The following NUB1 variants were observed in gnomAD, a reference collection of about 807,000 sequenced individuals.
The protein encoded by NUB1 is NEDD8 ultimate buster 1.
In NUB1, 41 loss-of-function variants were observed where a neutral mutation model predicts 77.1. The observed-to-expected ratio is 0.53, with a 90% CI of 0.41 to 0.69. The LOEUF (loss-of-function observed/expected upper bound fraction) is 0.69. Ranked by LOEUF, NUB1 falls within the 30% of genes least tolerant of loss-of-function variation. NUB1 has a pLI of 0.00. For missense variants in NUB1, 643 were observed against 743.8 expected (o/e 0.86, Z 1.58); for synonymous variants, 257 against 281.0 (o/e 0.91, Z 0.85).
chr7:151,368,209 G>A (rs749100558), intron 10 of NUB1, among the ~76,000 whole-genome samples: 2 of 152,154 alleles, frequency 1.3e-5, no homozygotes, highest in East Asian at 3.8e-4. Flanking sequence ...TCATCTTGCC[G>A]TCTAGAGGTG....
intron 11 of NUB1, among the ~76,000 whole-genome samples, chr7:151,373,351 C>T (rs568025607): frequency 6.6e-6 from 1 of 152,184 alleles, no homozygotes; most frequent in Non-Finnish European, 1.5e-5. Context: ...TTTTAAATGA[C>T]ATTTTTATGG....
chr7:151,350,071 G>A (rs1374437026), intron 3 of NUB1, among the ~76,000 whole-genome samples: 2 of 152,142 alleles, frequency 1.3e-5, no homozygotes, highest in South Asian at 2.1e-4. Flanking sequence ...TAGACGAGGC[G>A]GAGAGAGAGG....
intron 3 of NUB1, 75 bp from the exon 4 acceptor site, chr7:151,351,349 T>A (rs1796785966): frequency 8.9e-7 from 1 of 1,118,500 alleles, no homozygotes; most frequent in Admixed American, 2.1e-5. Flanking sequence ...GCCGTCAGCT[T>A]TTCTGATTTC....
At chr7:151,368,088 A>G (rs1188242674) in intron 10 of NUB1, 120 bp downstream of exon 10, 3 of 624,264 alleles carry the variant, frequency 4.8e-6, no homozygotes, top group Non-Finnish European at 8.5e-6. Flanking sequence ...TTCTCCGTGC[A>G]CAGGAGATGT....
chr7:151,376,531 G>A lies in NUB1; in HGVS notation c.1492-103G>A, dbSNP rs1353058041. On this transcript the variant is annotated intron_variant, in intron 13 of 14. Coordinates refer to ENST00000568733, the MANE Select transcript of NUB1 (RefSeq NM_001243351.2). Reference sequence around the variant, plus strand: ...CACAAAGGGCCATGGTGCACACGCCGGGAGCTCTTAAACATGAGAGTCGGC... The same window carrying A: ...CACAAAGGGCCATGGTGCACACGCCAGGAGCTCTTAAACATGAGAGTCGGC... 5 of 1,119,444 alleles carry A rather than the reference G, an allele frequency of 4.5e-6. No individual in the cohort carries two copies. In the Admixed American group the frequency reaches 7.4e-5, roughly 17 times the overall value. 69.3% of individuals were successfully genotyped at this position (1,119,444 alleles called of 1,614,324 possible). A position where few individuals can be genotyped will look rare whatever the true frequency, so the allele number is the denominator to read the frequency against.
At position 151,352,897 on chromosome 7, in the gene NUB1, G is replaced by C. The variant is rs73472502; in HGVS notation, c.415+15G>C. 101 of 1,365,590 alleles carry C rather than the reference G, an allele frequency of 7.4e-5. No individual in the cohort carries two copies. The highest frequency in any genetic ancestry group is 9.7e-5 in the Non-Finnish European group (95 of 984,064). 84.6% of individuals were successfully genotyped at this position (1,365,590 alleles called of 1,614,324 possible). On this transcript the variant is annotated intron_variant, in intron 5 of 14. Coordinates refer to ENST00000568733, the MANE Select transcript of NUB1 (RefSeq NM_001243351.2). ...ACTACAACTAGGTATGTATGGCAAA[G>C]TATGCATAATTTTTTAATGAACCAA...
At chr7:151,351,195 T>C in intron 3 of NUB1, 1 of 504,990 alleles carries the variant, frequency 2.0e-6, no homozygotes, top group East Asian at 3.8e-5. Flanking sequence ...ACGGCCCCTC[T>C]GAGCAGCCCT....
In NUB1 at chr7:151,360,257, T is replaced by G; in HGVS notation, c.800+10T>G. 1 of 1,490,832 alleles carries G rather than the reference T, an allele frequency of 6.7e-7. No homozygotes were observed. Among genetic ancestry groups the G allele is most frequent in the South Asian group, 1.1e-5 (1 of 88,330 alleles). The allele number at this position is 1,490,832 out of a possible 1,614,324, so 92.4% of individuals were successfully genotyped here. A position where few individuals can be genotyped will look rare whatever the true frequency, so the allele number is the denominator to read the frequency against. The stretch of plus-strand genomic sequence containing the variant: ...CTGACAAATATTTCTGGTAGGCGCT[T>G]TTGTACTTGGTGAACACCAGCTTTA... On this transcript the variant is annotated intron_variant, in intron 8 of 14. Transcript: ENST00000568733.
chr7:151,360,328 G>T, intron 8 of NUB1, 81 bp downstream of exon 8: 1 of 670,214 alleles, frequency 1.5e-6, no homozygotes. Context: ...ATGCCCTTGA[G>T]ACTGCAGACT....
chr7:151,362,550 C>T (rs1415765471), intron 8 of NUB1, among the ~76,000 whole-genome samples: 1 of 152,174 alleles, frequency 6.6e-6, no homozygotes, highest in Non-Finnish European at 1.5e-5. Flanking sequence ...GACTTCCTGG[C>T]AGTGCAGAAC....
chr7:151,372,928 G>T (rs1798028564), intron 11 of NUB1, among the ~76,000 whole-genome samples: 1 of 152,184 alleles, frequency 6.6e-6, no homozygotes, highest in African/African-American at 2.4e-5. Context: ...GTTCTCCTGT[G>T]ATAGAGACAG....
At chr7:151,362,703 G>A (rs1394648610) in intron 8 of NUB1, among the ~76,000 whole-genome samples, 3 of 152,208 alleles carry the variant, frequency 2.0e-5, no homozygotes, top group Non-Finnish European at 4.4e-5. Flanking sequence ...AGGCCAAGGA[G>A]GTGAGAGGAG....
chr7:151,360,029 T>C (rs1483709922), intron 7 of NUB1, 112 bp from the exon 8 acceptor site: 2 of 564,914 alleles, frequency 3.5e-6, no homozygotes, highest in Non-Finnish European at 6.3e-6. Flanking sequence ...GATTGAGTTA[T>C]GATCTTGTTT....
At chr7:151,344,819 G>A (rs1437938795) in intron 1 of NUB1, among the ~76,000 whole-genome samples, 3 of 152,048 alleles carry the variant, frequency 2.0e-5, no homozygotes, top group Admixed American at 2.0e-4. Flanking sequence ...GGCCAACATG[G>A]CGAAACCCCG....
intron 10 of NUB1, among the ~76,000 whole-genome samples, chr7:151,368,402 G>T (rs967434902): frequency 1.3e-5 from 2 of 152,160 alleles, no homozygotes; most frequent in Non-Finnish European, 2.9e-5. Flanking sequence ...TTCACTACCT[G>T]GCTACACCCA....
At chr7:151,345,551 A>G in intron 2 of NUB1, 85 bp downstream of exon 2, 4 of 776,466 alleles carry the variant, frequency 5.2e-6, no homozygotes, top group South Asian at 2.0e-5. Context: ...GCATGACCAT[A>G]TAAACTTTTG....
chr7:151,344,063 C>T (rs2150655458), intron 1 of NUB1, among the ~76,000 whole-genome samples: 1 of 150,498 alleles, frequency 6.6e-6, no homozygotes, highest in South Asian at 2.1e-4. Context: ...CGCCTGTAGT[C>T]CCAGCTACTG....
chr7:151,358,961 A>T (rs1410774792), intron 7 of NUB1, among the ~76,000 whole-genome samples: 1 of 151,774 alleles, frequency 6.6e-6, no homozygotes, highest in Non-Finnish European at 1.5e-5. Flanking sequence ...GGTACTCGGG[A>T]GGCTGAGGTG....
In NUB1 at chr7:151,356,997, G is replaced by A. The variant is rs529283247; in HGVS notation, c.693+775G>A. Among the ~76,000 whole-genome samples, 4 of 152,088 alleles carry A rather than the reference G, an allele frequency of 2.6e-5. No homozygotes were observed. The South Asian group carries it at 8.3e-4, about 32-fold the overall frequency. The stretch of plus-strand genomic sequence containing the variant: ...CTCCCAAACTGCTGGGATTACAGGC[G>A]TGAGCCACCGAACTCTGCCGTGTTT... On this transcript the variant is annotated intron_variant, in intron 7 of 14. Transcript: ENST00000568733.
Sources: allele counts gnomAD v4.1 joint callset (sites outside exome capture counted in the v4.1 genomes callset), GRCh38; gene constraint gnomAD v4.1.1; transcripts MANE v1.5; gene names NCBI Gene and HGNC (gene_info 2026-07-23, HGNC 2026-07-21).